PREX2: variants seen among roughly 807,000 people sequenced by gnomAD.
PREX2 encodes the protein phosphatidylinositol-3,4,5-trisphosphate dependent Rac exchange factor 2, also known as phosphatidylinositol 3,4,5-trisphosphate-dependent Rac exchanger 2 protein.
A neutral mutation model predicts 203.2 loss-of-function variants in PREX2; 107 were observed. The ratio of observed to expected loss-of-function variants is 0.53; its 90% CI spans 0.45 to 0.62. The LOEUF is 0.62. Among genes scored for constraint, PREX2 ranks in the 20% least tolerant of loss-of-function variants. PREX2 has a pLI of 0.00. For missense variants in PREX2, 1,777 were observed against 1,955.9 expected (o/e 0.91, Z 1.72); for synonymous variants, 672 against 663.6 (o/e 1.01, Z -0.19).
chr8:68,197,301 T>G (rs981024765), intron 37 of PREX2, among the ~76,000 whole-genome samples: 4 of 152,050 alleles, frequency 2.6e-5, no homozygotes, highest in Non-Finnish European at 5.9e-5. Flanking sequence ...ATGGGGGCAG[T>G]TTCCCCCATG....
At chr8:68,158,181 A>G (rs1378320379) in intron 35 of PREX2, among the ~76,000 whole-genome samples, 2 of 150,844 alleles carry the variant, frequency 1.3e-5, no homozygotes, top group Non-Finnish European at 3.0e-5. Context: ...ACACACACAT[A>G]TCTCCTTCTT....
At chr8:68,220,142 TTATTTA>T (rs1812926951) in intron 38 of PREX2, 1 of 152,094 alleles carries the variant, frequency 6.6e-6, no homozygotes, top group Non-Finnish European at 1.5e-5. Flanking sequence ...TTTATTGTTC[TTATTTA>T]TAATTTCAAT....
intron 37 of PREX2, among the ~76,000 whole-genome samples, chr8:68,217,349 T>C (rs1812863661): frequency 6.6e-6 from 1 of 152,244 alleles, no homozygotes; most frequent in East Asian, 1.9e-4. Context: ...GTTCTAATTC[T>C]GGTTATTTAA....
chr8:68,128,344 T>A (rs1363579892), intron 31 of PREX2, among the ~76,000 whole-genome samples: 1 of 152,202 alleles, frequency 6.6e-6, no homozygotes, highest in Admixed American at 6.5e-5. Flanking sequence ...TGATTACTTG[T>A]GATAGCAGTT....
chr8:68,036,416 A>C (rs1808032341), intron 6 of PREX2, among the ~76,000 whole-genome samples: 1 of 152,142 alleles, frequency 6.6e-6, no homozygotes. Context: ...TTAATGTGAA[A>C]ATTAAGATGA....
intron 3 of PREX2, among the ~76,000 whole-genome samples, chr8:68,020,465 C>T (rs947259430): frequency 3.3e-5 from 5 of 151,746 alleles, no homozygotes; most frequent in Non-Finnish European, 7.4e-5. Flanking sequence ...AATGTGTAAG[C>T]GTATTTAGTG....
rs946788575 is a variant in PREX2 at position 68,080,896 on chromosome 8, T to C, written c.1878+58T>C. 1.4e-5 allele frequency: 14 copies of C among 972,384 alleles called. No homozygotes were observed. In the African/African-American group the frequency reaches 2.0e-4, roughly 14 times the overall value. The allele number at this position is 972,384 out of a possible 1,614,324, so 60.2% of individuals were successfully genotyped here. ...TTATCATGACATAAAAATAGAGAAA[T>C]TCTAAACAAACTGAAATCTGCCTTT... On this transcript the variant is annotated intron_variant, in intron 17 of 39. Coordinates refer to ENST00000288368, the MANE Select transcript of PREX2 (RefSeq NM_024870.4).
At chr8:67,965,162 C>G (rs1024617074) in intron 1 of PREX2, among the ~76,000 whole-genome samples, 1 of 152,166 alleles carries the variant, frequency 6.6e-6, no homozygotes, top group African/African-American at 2.4e-5. Flanking sequence ...GCCAGGCAAG[C>G]ACTCAGGAGC....
At chr8:68,004,884 C>T (rs1424989776) in intron 1 of PREX2, among the ~76,000 whole-genome samples, 2 of 152,100 alleles carry the variant, frequency 1.3e-5, no homozygotes, top group Admixed American at 1.3e-4. Flanking sequence ...TATTTTTTGA[C>T]GGCTTTCCTA....
chr8:68,230,506 G>A (rs956530421), intron 39 of PREX2, among the ~76,000 whole-genome samples: 3 of 152,126 alleles, frequency 2.0e-5, no homozygotes, highest in Non-Finnish European at 4.4e-5. Context: ...TAATGCATAT[G>A]GCCTTGAGAT....
At chr8:67,955,816 G>A (rs1805482112) in intron 1 of PREX2, among the ~76,000 whole-genome samples, 1 of 152,126 alleles carries the variant, frequency 6.6e-6, no homozygotes, top group South Asian at 2.1e-4. Context: ...CAATCATCCT[G>A]AACATTTTGA....
intron 30 of PREX2, among the ~76,000 whole-genome samples, chr8:68,126,694 T>G (rs1810896041): frequency 6.6e-6 from 1 of 152,112 alleles, no homozygotes; most frequent in African/African-American, 2.4e-5. Context: ...GTTTTTAAAT[T>G]TACCTATTGC....
intron 1 of PREX2, among the ~76,000 whole-genome samples, chr8:67,963,342 T>G (rs1352079526): frequency 1.3e-5 from 2 of 152,184 alleles, no homozygotes; most frequent in African/African-American, 4.8e-5. Context: ...AGACTATATC[T>G]TTATTATTTC....
At position 68,087,841 on chromosome 8, in the gene PREX2, T is replaced by C. The variant is rs201120874; in HGVS notation, c.2113+32T>C. ...AATTCGTCTTGCAGGGAAACAGCTTTCCAGCAGGTTTGGGATGTGCCCGAT... is the reference window on the plus strand; with the variant it reads ...AATTCGTCTTGCAGGGAAACAGCTTCCCAGCAGGTTTGGGATGTGCCCGAT... On this transcript the variant is annotated intron_variant, in intron 19 of 39. Transcript: ENST00000288368. 1.4e-5 allele frequency: 21 copies of C among 1,465,506 alleles called. No individual in the cohort carries two copies. In the East Asian group the frequency reaches 4.1e-4, roughly 28 times the overall value. 90.8% of individuals were successfully genotyped at this position (1,465,506 alleles called of 1,614,324 possible).
At chr8:68,152,311 G>GA (rs1554581348) in intron 34 of PREX2, among the ~76,000 whole-genome samples, 1 of 79,472 alleles carries the variant, frequency 1.3e-5, no homozygotes, top group Non-Finnish European at 2.6e-5. Context: ...AAAAAAAAAA[G>GA]ATAAATCTTT....
At chr8:68,000,342 C>T (rs1256783466) in intron 1 of PREX2, among the ~76,000 whole-genome samples, 3 of 152,026 alleles carry the variant, frequency 2.0e-5, no homozygotes, top group Non-Finnish European at 4.4e-5. Context: ...AATGCAATTC[C>T]ACTTGCAGTT....
Position 68,038,282 on chromosome 8 carries a change from A to G in PREX2, c.829A>G (p.Arg277Gly). ...LFDNLLVYCK[R>G]KHRRLKNSKA... ...CGATAATCTTTTGGTGTACTGCAAA[A>G]GAAAACACAGGTAAGATCCTAAGCA... Residue 277 changes from arginine (R) to glycine (G), a missense_variant, in exon 7 of 40, where the codon AGA (arginine) becomes GGA (glycine). Physicochemically the swap from Arg to Gly is moderately radical, Grantham distance 125. Coordinates refer to ENST00000288368, the MANE Select transcript of PREX2 (RefSeq NM_024870.4). 2 of 1,613,790 alleles carry G rather than the reference A, an allele frequency of 1.2e-6. No individual in the cohort carries two copies. Among genetic ancestry groups the G allele is most frequent in the Non-Finnish European group, 1.7e-6 (2 of 1,179,826 alleles).
At chr8:68,136,256 G>T (rs1811110336) in intron 32 of PREX2, among the ~76,000 whole-genome samples, 1 of 149,128 alleles carries the variant, frequency 6.7e-6, no homozygotes. Context: ...CAATGAAGCG[G>T]TGTGGTTTTT....
At chr8:68,221,109 A>G (rs1812946185) in intron 38 of PREX2, among the ~76,000 whole-genome samples, 1 of 152,192 alleles carries the variant, frequency 6.6e-6, no homozygotes, top group African/African-American at 2.4e-5. Context: ...AAGTGAGAGC[A>G]TGCAATATTT....
Sources: allele counts gnomAD v4.1 joint callset (sites outside exome capture counted in the v4.1 genomes callset), GRCh38; gene constraint gnomAD v4.1.1; transcripts MANE v1.5; gene names NCBI Gene and HGNC (gene_info 2026-07-23, HGNC 2026-07-21).